Variants in HECW2 observed in about 807,000 individuals in gnomAD.
HECW2 encodes HECT, C2 and WW domain containing E3 ubiquitin protein ligase 2.
In HECW2, 61 loss-of-function variants were observed where a neutral mutation model predicts 175.2. The ratio of observed to expected loss-of-function variants is 0.35; its 90% CI spans 0.28 to 0.43. HECW2 has a LOEUF of 0.43. HECW2 is among the 20% of genes least tolerant of loss of function. HECW2 has a pLI of 1.00. For synonymous variants in HECW2, 671 were observed against 731.0 expected, an observed-to-expected ratio of 0.92 and a Z score of 1.32; for missense variants, 1,524 against 2,000.5, an observed-to-expected ratio of 0.76 and a Z score of 4.54.
At chr2:196,217,193 T>C (rs955187835) in intron 26 of HECW2, 100 bp from the exon 27 acceptor site, 13 of 766,774 alleles carry the variant, frequency 1.7e-5, no homozygotes, top group Non-Finnish European at 2.6e-5. Context: ...ATCATCCTCT[T>C]GAATTCTTTA....
At chr2:196,275,645 G>A (rs1167231135) in intron 15 of HECW2, among the ~76,000 whole-genome samples, 2 of 152,054 alleles carry the variant, frequency 1.3e-5, no homozygotes, top group Non-Finnish European at 2.9e-5. Flanking sequence ...CCAGCTACTC[G>A]GGAGGCTGAG....
intron 1 of HECW2, among the ~76,000 whole-genome samples, chr2:196,550,813 C>T (rs1022868250): frequency 6.6e-6 from 1 of 152,160 alleles, no homozygotes; most frequent in African/African-American, 2.4e-5. Context: ...TAAATAATCT[C>T]TTTCAGGAAG....
intron 1 of HECW2, among the ~76,000 whole-genome samples, chr2:196,459,661 C>G (rs980850274): frequency 2.6e-5 from 4 of 152,132 alleles, no homozygotes; most frequent in Admixed American, 2.0e-4. Context: ...CCCCTGATGT[C>G]AATCAACCTC....
At chr2:196,369,088 C>A (rs1413146084) in intron 2 of HECW2, among the ~76,000 whole-genome samples, 1 of 152,140 alleles carries the variant, frequency 6.6e-6, no homozygotes, top group Non-Finnish European at 1.5e-5. Context: ...GCAGTCTTTA[C>A]AGTCTGGGCT....
chr2:196,250,272 T>C (rs962570287), intron 19 of HECW2, among the ~76,000 whole-genome samples: 2 of 152,240 alleles, frequency 1.3e-5, no homozygotes, highest in African/African-American at 4.8e-5. Context: ...AAGTCCACTC[T>C]GCATGATTAA....
At chr2:196,246,049 A>G (rs758757540) in intron 19 of HECW2, among the ~76,000 whole-genome samples, 1 of 152,232 alleles carries the variant, frequency 6.6e-6, no homozygotes, top group Non-Finnish European at 1.5e-5. Flanking sequence ...AAGAAGGTCA[A>G]ACATCACCAG....
intron 20 of HECW2, 109 bp downstream of exon 20, chr2:196,241,975 C>T: frequency 1.0e-6 from 1 of 980,568 alleles, no homozygotes; most frequent in Non-Finnish European, 1.6e-6. Context: ...ATTATGCCGA[C>T]TAAAATGAAG....
rs1688845829 is a variant in HECW2, at chr2:196,251,332, C to T, written c.3529+2588G>A. Among the ~76,000 whole-genome samples, 10 of 152,296 alleles carry T rather than the reference C, an allele frequency of 6.6e-5. No homozygotes were observed. In the South Asian group the frequency reaches 1.9e-3, roughly 28 times the overall value. On this transcript the variant is annotated intron_variant, in intron 19 of 28. Transcript: ENST00000644978. ...GCTCATCCCTTAAATATTGAGGTTT[C>T]TCATGACATCATCCTCTATTTCCTC...
chr2:196,413,592 G>A (rs1002807767), intron 2 of HECW2, among the ~76,000 whole-genome samples: 11 of 152,138 alleles, frequency 7.2e-5, no homozygotes, highest in African/African-American at 1.9e-4. Context: ...TGATACACCC[G>A]CCTTGGCCTC....
intron 2 of HECW2, among the ~76,000 whole-genome samples, chr2:196,379,425 C>T (rs906544515): frequency 1.3e-5 from 2 of 152,122 alleles, no homozygotes; most frequent in African/African-American, 4.8e-5. Flanking sequence ...GTGGCTCATG[C>T]CTGTAATCCC....
At chr2:196,308,115 TAGG>T (rs754374206) in intron 10 of HECW2, 30 bp from the exon 11 acceptor site, 34 of 1,517,958 alleles carry the variant, frequency 2.2e-5, no homozygotes, top group Non-Finnish European at 3.0e-5. Context: ...CGAAAGGAAT[TAGG>T]AGGAGGAGCT....
At chr2:196,518,214 A>G (rs771342566) in intron 1 of HECW2, among the ~76,000 whole-genome samples, 15 of 152,216 alleles carry the variant, frequency 9.9e-5, no homozygotes, top group Non-Finnish European at 1.8e-4. Flanking sequence ...GTGATTAAAA[A>G]ATAAAATATA....
At chr2:196,278,696 G>A (rs1316251418) in intron 14 of HECW2, 34 bp from the exon 15 acceptor site, 11 of 1,611,098 alleles carry the variant, frequency 6.8e-6, no homozygotes, top group East Asian at 2.2e-5. Context: ...AATACATGCC[G>A]CTCACATGTC....
intron 2 of HECW2, among the ~76,000 whole-genome samples, chr2:196,394,655 T>C (rs1694611337): frequency 6.6e-6 from 1 of 152,202 alleles, no homozygotes; most frequent in Non-Finnish European, 1.5e-5. Flanking sequence ...AAGATTTGTA[T>C]GATTCTAAAG....
intron 2 of HECW2, among the ~76,000 whole-genome samples, chr2:196,347,250 CG>C (rs1692991081): frequency 6.6e-6 from 1 of 151,610 alleles, no homozygotes; most frequent in African/African-American, 2.4e-5. Context: ...TCAGTAGAGA[CG>C]GGGTTTCACC....
intron 10 of HECW2, among the ~76,000 whole-genome samples, chr2:196,314,213 T>C (rs535712439): frequency 6.6e-6 from 1 of 152,324 alleles, no homozygotes; most frequent in East Asian, 1.9e-4. Context: ...GGGGCCTCCT[T>C]GGGGAGGGCC....
intron 23 of HECW2, 129 bp from the exon 24 acceptor site, chr2:196,222,469 T>A: frequency 1.2e-6 from 1 of 809,938 alleles, no homozygotes; most frequent in Non-Finnish European, 1.9e-6. Context: ...ATTTCTGGAA[T>A]GTTCTTAGTC....
intron 6 of HECW2, among the ~76,000 whole-genome samples, chr2:196,323,580 T>A (rs926765141): frequency 1.3e-5 from 2 of 152,274 alleles, no homozygotes; most frequent in East Asian, 3.9e-4. Flanking sequence ...GTCTGCTTAA[T>A]GGAAAAAAGT....
At chr2:196,385,721 A>G (rs1694326515) in intron 2 of HECW2, among the ~76,000 whole-genome samples, 1 of 152,228 alleles carries the variant, frequency 6.6e-6, no homozygotes, top group Non-Finnish European at 1.5e-5. Flanking sequence ...ATTTTGGTAT[A>G]AGCTGCTCTT....
Sources: allele counts gnomAD v4.1 joint callset (sites outside exome capture counted in the v4.1 genomes callset), GRCh38; gene constraint gnomAD v4.1.1; transcripts MANE v1.5; gene names NCBI Gene and HGNC (gene_info 2026-07-23, HGNC 2026-07-21).